ATP10A: variants seen among roughly 807,000 people sequenced by gnomAD.
The protein encoded by ATP10A is ATPase phospholipid transporting 10A (putative).
In ATP10A, 111 loss-of-function variants were observed where a neutral mutation model predicts 147.8. The ratio of observed to expected loss-of-function variants is 0.75; its 90% CI spans 0.64 to 0.88. The LOEUF (loss-of-function observed/expected upper bound fraction) is 0.88, where lower values mean the gene tolerates loss of function less well. Ranked by LOEUF, ATP10A falls within the 40% of genes least tolerant of loss-of-function variation. The pLI, the probability that ATP10A is intolerant of heterozygous loss-of-function variation, is 0.00. For missense variants in ATP10A, 1,927 were observed against 1,959.0 expected (o/e 0.98, Z 0.31); for synonymous variants, 875 against 841.6 (o/e 1.04, Z -0.69).
chr15:25,805,698 C>CATA (rs1891151198), intron 1 of ATP10A, among the ~76,000 whole-genome samples: 1 of 152,126 alleles, frequency 6.6e-6, no homozygotes, highest in Non-Finnish European at 1.5e-5. Flanking sequence ...AACACAAAGG[C>CATA]TGTGCTATTT....
chr15:25,682,244 A>T (rs997834574), intron 17 of ATP10A, among the ~76,000 whole-genome samples: 10 of 151,930 alleles, frequency 6.6e-5, no homozygotes, highest in African/African-American at 2.4e-4. Context: ...GTTTCTTAAG[A>T]GCGAGTCTTC....
Position 25,721,709 on chromosome 15 carries a change from C to A in ATP10A, c.1311G>T (p.Met437Ile), listed in dbSNP as rs1163576643. 2 of 1,614,008 alleles carry A rather than the reference C, an allele frequency of 1.2e-6. No individual in the cohort carries two copies. Among genetic ancestry groups the A allele is most frequent in the African/African-American group, 1.3e-5 (1 of 74,904 alleles). Reference sequence around the variant, plus strand: ...CAGACACAGTGCATCTTCGGAAAACCATCTTATTCTCTGTCAAAGTGCCAG... The same window carrying A: ...CAGACACAGTGCATCTTCGGAAAACAATCTTATTCTCTGTCAAAGTGCCAG... ...DKTGTLTENKMVFRRCTVSGV... is the reference protein window; with the variant it reads ...DKTGTLTENKIVFRRCTVSGV... The change falls in exon 7 of 21, where the codon ATG becomes ATT. Residue 437 changes from methionine (M) to isoleucine (I), a missense_variant. By Grantham distance (10) the Met-to-Ile change is conservative (BLOSUM62 1). Transcript: ENST00000555815.
rs79947982 is a variant in ATP10A at position 25,828,528 on chromosome 15, C to A, written c.449+34120G>T. 1.9e-3 allele frequency among the ~76,000 whole-genome samples: 288 copies of A among 152,296 alleles called. 1 individual carries two copies. Among genetic ancestry groups the A allele is most frequent in the African/African-American group, 6.8e-3 (282 of 41,568 alleles). ...ACATACGTGGACATTAAACAATCCA[C>A]TCTTAAATAACCAATGGATCACAGG... On this transcript the variant is annotated intron_variant, in intron 1 of 20. Transcript: ENST00000555815.
At position 25,849,214 on chromosome 15, in the gene ATP10A, G is replaced by A. The variant is rs75707342; in HGVS notation, c.449+13434C>T. On this transcript the variant is annotated intron_variant, in intron 1 of 20. Transcript: ENST00000555815. The stretch of plus-strand genomic sequence containing the variant: ...GGGTGATGAGAGCAGGTGCACAGTG[G>A]ATGAAACACAGAGGGGGCCGAGGGT... Among the ~76,000 whole-genome samples, 1,061 of 152,228 alleles carry A rather than the reference G, an allele frequency of 7.0e-3. 12 individuals are homozygous for A. Among genetic ancestry groups the A allele is most frequent in the African/African-American group, 0.024 (1,005 of 41,536 alleles).
At chr15:25,708,983 C>T (rs1043208985) in intron 10 of ATP10A, 1 of 152,370 alleles carries the variant, frequency 6.6e-6, no homozygotes, top group African/African-American at 2.4e-5. Flanking sequence ...GGATTATCTA[C>T]TAATCTAAGT....
intron 1 of ATP10A, among the ~76,000 whole-genome samples, chr15:25,802,131 A>G (rs926858884): frequency 6.6e-6 from 1 of 152,138 alleles, no homozygotes; most frequent in Non-Finnish European, 1.5e-5. Flanking sequence ...CCAAAACTCT[A>G]TTTGGGAACT....
intron 9 of ATP10A, 81 bp downstream of exon 9, chr15:25,716,649 C>T (rs938616337): frequency 2.3e-5 from 31 of 1,354,236 alleles, no homozygotes; most frequent in South Asian, 2.3e-4. Context: ...AAGGGAAGGG[C>T]GCCTGCCCTC....
chr15:25,704,016 T>C (rs573010642), intron 12 of ATP10A, among the ~76,000 whole-genome samples: 1 of 151,844 alleles, frequency 6.6e-6, no homozygotes, highest in African/African-American at 2.4e-5. Context: ...CGCTCTGTGC[T>C]CCCCGTGAGC....
chr15:25,708,474 A>ATGCAAG, intron 10 of ATP10A, 174 bp from the exon 11 acceptor site: 1 of 463,522 alleles, frequency 2.2e-6, no homozygotes. Context: ...TCTCATCAAT[A>ATGCAAG]TGTTTGACTG....
At chr15:25,804,147 T>TA (rs1891065141) in intron 1 of ATP10A, among the ~76,000 whole-genome samples, 1 of 145,294 alleles carries the variant, frequency 6.9e-6, no homozygotes, top group South Asian at 2.2e-4. Context: ...TAATTGTGCT[T>TA]AGTGTGTGAT....
intron 3 of ATP10A, among the ~76,000 whole-genome samples, chr15:25,731,126 G>A (rs930623733): frequency 6.6e-5 from 10 of 152,200 alleles, no homozygotes; most frequent in African/African-American, 1.9e-4. Context: ...CCACCAGGGC[G>A]AAGAGCCTAC....
chr15:25,824,531 A>G (rs1300337834), intron 1 of ATP10A, among the ~76,000 whole-genome samples: 1 of 143,864 alleles, frequency 7.0e-6, no homozygotes, highest in African/African-American at 2.5e-5. Context: ...TCTTCCTTAC[A>G]TTTTTAACAT....
At chr15:25,740,876 C>A (rs973901603) in intron 2 of ATP10A, among the ~76,000 whole-genome samples, 2 of 152,240 alleles carry the variant, frequency 1.3e-5, no homozygotes, top group Non-Finnish European at 2.9e-5. Flanking sequence ...AGGGTCACTG[C>A]GCTGACCTCC....
intron 2 of ATP10A, among the ~76,000 whole-genome samples, chr15:25,774,752 A>C (rs1191624900): frequency 1.3e-5 from 2 of 152,306 alleles, no homozygotes; most frequent in East Asian, 1.9e-4. Context: ...GTTAATATGA[A>C]AAAACATGGT....
intron 13 of ATP10A, among the ~76,000 whole-genome samples, chr15:25,700,149 C>T (rs148268441): frequency 6.6e-6 from 1 of 152,234 alleles, no homozygotes; most frequent in Non-Finnish European, 1.5e-5. Flanking sequence ...CTTCATTAGA[C>T]ACTAGTGAAA....
At chr15:25,837,820 C>T (rs1415218346) in intron 1 of ATP10A, among the ~76,000 whole-genome samples, 1 of 152,158 alleles carries the variant, frequency 6.6e-6, no homozygotes, top group Non-Finnish European at 1.5e-5. Flanking sequence ...GGAAACTGCT[C>T]AGGAGCACGT....
intron 16 of ATP10A, among the ~76,000 whole-genome samples, chr15:25,687,487 C>T (rs1011669295): frequency 4.0e-5 from 6 of 151,856 alleles, no homozygotes; most frequent in African/African-American, 1.2e-4. Flanking sequence ...CCACCTCTCC[C>T]TAGAGATGCA....
chr15:25,863,009 T>A lies in ATP10A; in HGVS notation c.88A>T (p.Asn30Tyr). The A allele has an allele frequency of 1.5e-6, 2 of 1,375,036 alleles. No individual in the cohort carries two copies. Among genetic ancestry groups the A allele is most frequent in the South Asian group, 1.7e-5 (1 of 58,074 alleles). 85.2% of individuals were successfully genotyped at this position (1,375,036 alleles called of 1,614,324 possible). ...REGRTRTVRS[N>Y]LLPPPGAEDP... ...TCGGCGCCCGGGGGCGGCAGCAGGTTGGAGCGCACCGTGCGCGTCCTGCCC... is the reference window on the plus strand; with the variant it reads ...TCGGCGCCCGGGGGCGGCAGCAGGTAGGAGCGCACCGTGCGCGTCCTGCCC... Residue 30 changes from asparagine (N) to tyrosine (Y), a missense_variant, in exon 1 of 21, where the codon AAC (asparagine) becomes TAC (tyrosine). Transcript: ENST00000555815.
intron 1 of ATP10A, among the ~76,000 whole-genome samples, chr15:25,845,734 C>T (rs1892998590): frequency 6.6e-6 from 1 of 152,116 alleles, no homozygotes; most frequent in Admixed American, 6.5e-5. Flanking sequence ...ACAAATGCTA[C>T]CGTGGGAGGG....
Sources: gnomAD v4.1 joint callset for allele counts (sites outside exome capture counted in the v4.1 genomes callset) on GRCh38, gnomAD v4.1.1 for gene constraint, MANE v1.5 for transcripts, NCBI Gene and HGNC (gene_info 2026-07-23, HGNC 2026-07-21) for gene names.